Variants in ARHGAP42 observed in about 807,000 individuals in gnomAD.
ARHGAP42 encodes rho GTPase-activating protein 42.
A neutral mutation model predicts 125.0 loss-of-function variants in ARHGAP42; 63 were observed. The observed-to-expected ratio is 0.50, with a 90% CI of 0.41 to 0.62. The LOEUF is 0.62. Ranked by LOEUF, ARHGAP42 falls within the 20% of genes least tolerant of loss-of-function variation. The pLI is 0.00. For synonymous variants in ARHGAP42, 339 were observed against 351.0 expected, an observed-to-expected ratio of 0.97 and a Z score of 0.38; for missense variants, 766 against 1,024.2, an observed-to-expected ratio of 0.75 and a Z score of 3.44.
intron 3 of ARHGAP42, among the ~76,000 whole-genome samples, chr11:100,839,155 T>C (rs1490153981): frequency 6.6e-6 from 1 of 152,162 alleles, no homozygotes; most frequent in African/African-American, 2.4e-5. Context: ...CTTACTGAAT[T>C]AAATGGAGAG....
chr11:100,839,998 A>T (rs1311126148), intron 3 of ARHGAP42: 2 of 152,178 alleles, frequency 1.3e-5, no homozygotes, highest in Non-Finnish European at 2.9e-5. Context: ...GAGAGACCTG[A>T]ATTTTTATTT....
intron 1 of ARHGAP42, among the ~76,000 whole-genome samples, chr11:100,702,130 AATAAT>A (rs1861408310): frequency 6.6e-6 from 1 of 152,060 alleles, no homozygotes; most frequent in African/African-American, 2.4e-5. Flanking sequence ...AAAAAAAAAT[AATAAT>A]ATAATGAATA....
At chr11:100,798,820 AC>A (rs1863784973) in intron 3 of ARHGAP42, among the ~76,000 whole-genome samples, 1 of 152,292 alleles carries the variant, frequency 6.6e-6, no homozygotes, top group African/African-American at 2.4e-5. Context: ...GGACTGTGAC[AC>A]AGTATGGTAT....
intron 10 of ARHGAP42, among the ~76,000 whole-genome samples, chr11:100,944,519 C>T (rs1267168069): frequency 6.6e-6 from 1 of 151,956 alleles, no homozygotes; most frequent in African/African-American, 2.4e-5. Context: ...CATGTATACC[C>T]TTTGTATATG....
At chr11:100,862,390 A>C (rs1314186007) in intron 4 of ARHGAP42, among the ~76,000 whole-genome samples, 1 of 151,998 alleles carries the variant, frequency 6.6e-6, no homozygotes, top group Non-Finnish European at 1.5e-5. Context: ...CTAGCCCCCA[A>C]AAAGAGTAAG....
At chr11:100,691,705 C>T (rs949966089) in intron 1 of ARHGAP42, among the ~76,000 whole-genome samples, 10 of 152,066 alleles carry the variant, frequency 6.6e-5, no homozygotes, top group Admixed American at 3.3e-4. Context: ...TTTGTAGAGT[C>T]GAGGTTTTCA....
chr11:100,988,967 AG>A lies in ARHGAP42; in HGVS notation c.*167del, dbSNP rs1267288191. The A allele has an allele frequency of 8.1e-6, 4 of 496,054 alleles. No homozygotes were observed. The highest frequency in any genetic ancestry group is 1.4e-5 in the Non-Finnish European group (4 of 280,376). The allele number at this position is 496,054 out of a possible 1,614,324, so 30.7% of individuals were successfully genotyped here. A position where few individuals can be genotyped will look rare whatever the true frequency, so the allele number is the denominator to read the frequency against. Reference sequence around the variant, plus strand: ...TGTAGCTCCTTATTAATGGAAAAAAAGATTTAAATTGTTGGCCATTCTTTTT... The same window carrying A: ...TGTAGCTCCTTATTAATGGAAAAAAAATTTAAATTGTTGGCCATTCTTTTT... On this transcript the variant is annotated 3_prime_UTR_variant, in exon 24 of 24. Coordinates refer to ENST00000298815, the MANE Select transcript of ARHGAP42 (RefSeq NM_152432.4).
At chr11:100,796,768 CTTTTTTT>C (rs35175302) in intron 3 of ARHGAP42, among the ~76,000 whole-genome samples, 1 of 119,012 alleles carries the variant, frequency 8.4e-6, no homozygotes, top group Non-Finnish European at 1.7e-5. Flanking sequence ...CTTTTTAATT[CTTTTTTT>C]TTTTTTTTTT....
intron 20 of ARHGAP42, 123 bp downstream of exon 20, chr11:100,976,560 T>G (rs1189575874): frequency 8.8e-6 from 12 of 1,360,832 alleles, no homozygotes; most frequent in Non-Finnish European, 1.2e-5. Flanking sequence ...TATCTACTTT[T>G]TTCCTGTGCT....
intron 1 of ARHGAP42, among the ~76,000 whole-genome samples, chr11:100,713,459 A>G (rs1489279545): frequency 6.6e-6 from 1 of 152,218 alleles, no homozygotes; most frequent in East Asian, 1.9e-4. Flanking sequence ...GCAAGTTCTT[A>G]GCGCTCTCTG....
chr11:100,901,339 G>A (rs368160711), intron 4 of ARHGAP42, among the ~76,000 whole-genome samples: 1 of 152,206 alleles, frequency 6.6e-6, no homozygotes, highest in African/African-American at 2.4e-5. Flanking sequence ...CTCCTGGAAG[G>A]TGTCTCCCAA....
At chr11:100,721,319 A>T (rs1335747286) in intron 1 of ARHGAP42, among the ~76,000 whole-genome samples, 1 of 152,078 alleles carries the variant, frequency 6.6e-6, no homozygotes, top group African/African-American at 2.4e-5. Context: ...TTTTGTTTTA[A>T]ACTGCTTCTA....
intron 2 of ARHGAP42, among the ~76,000 whole-genome samples, chr11:100,793,548 T>C (rs1863625451): frequency 1.3e-5 from 2 of 152,252 alleles, no homozygotes; most frequent in African/African-American, 2.4e-5. Context: ...TTGGCTAGTA[T>C]AAGCCTAGTA....
At chr11:100,975,134 AC>A (rs1858356549) in intron 19 of ARHGAP42, among the ~76,000 whole-genome samples, 1 of 152,016 alleles carries the variant, frequency 6.6e-6, no homozygotes, top group African/African-American at 2.4e-5. Flanking sequence ...TTTATTTTAT[AC>A]CCCCCACCCC....
intron 3 of ARHGAP42, among the ~76,000 whole-genome samples, chr11:100,856,778 A>G (rs1319312601): frequency 6.6e-6 from 1 of 152,110 alleles, no homozygotes; most frequent in Admixed American, 6.6e-5. Context: ...TACAGAGTAG[A>G]CATTCAATTA....
intron 10 of ARHGAP42, 99 bp downstream of exon 10, chr11:100,943,967 G>T: frequency 2.5e-6 from 2 of 815,520 alleles, no homozygotes; most frequent in South Asian, 2.2e-5. Context: ...GTGTTTTTTA[G>T]TCTTTTAAAA....
chr11:100,948,309 C>T, intron 10 of ARHGAP42, 148 bp from the exon 11 acceptor site: 1 of 625,014 alleles, frequency 1.6e-6, no homozygotes, highest in Non-Finnish European at 2.7e-6. Flanking sequence ...CAGTCTTTTT[C>T]TTTTTTAGAA....
At chr11:100,778,215 T>C (rs3858409) in intron 2 of ARHGAP42, among the ~76,000 whole-genome samples, 6,493 of 152,120 alleles carry the variant, frequency 0.043, 179 homozygotes, top group African/African-American at 0.068. Flanking sequence ...TTTGTAGCCA[T>C]GAGATTCTTC....
chr11:100,959,215 TA>T (rs34750443), intron 12 of ARHGAP42, among the ~76,000 whole-genome samples: 1 of 151,998 alleles, frequency 6.6e-6, no homozygotes, highest in Non-Finnish European at 1.5e-5. Flanking sequence ...CAAAACCCTT[TA>T]AAAAAATTAG....
Sources: allele counts gnomAD v4.1 joint callset (sites outside exome capture counted in the v4.1 genomes callset), GRCh38; gene constraint gnomAD v4.1.1; transcripts MANE v1.5; gene names NCBI Gene and HGNC (gene_info 2026-07-23, HGNC 2026-07-21).